The following PHTF2 variants were observed in gnomAD, a reference collection of about 807,000 sequenced individuals.
PHTF2 encodes protein PHTF2.
PHTF2 carries 60 observed loss-of-function variants against 101.2 expected under a neutral mutation model. The ratio of observed to expected loss-of-function variants is 0.59; its 90% CI spans 0.48 to 0.73. The LOEUF (loss-of-function observed/expected upper bound fraction) is 0.73. Among genes scored for constraint, PHTF2 ranks in the 30% least tolerant of loss-of-function variants. The pLI, the probability that PHTF2 is intolerant of heterozygous loss-of-function variation, is 0.00. For synonymous variants in PHTF2, 311 were observed against 307.3 expected, an observed-to-expected ratio of 1.01 and a Z score of -0.13; for missense variants, 747 against 908.7, an observed-to-expected ratio of 0.82 and a Z score of 2.29.
At chr7:77,868,155 T>C (rs6465867) in intron 3 of PHTF2, among the ~76,000 whole-genome samples, 87,563 of 151,354 alleles carry the variant, frequency 0.58, 27,422 homozygotes, top group African/African-American at 0.83. Context: ...TTTGTTTTTT[T>C]TTTTGAGACA....
chr7:77,844,924 T>C (rs968110225), intron 2 of PHTF2, among the ~76,000 whole-genome samples: 1 of 152,262 alleles, frequency 6.6e-6, no homozygotes, highest in Non-Finnish European at 1.5e-5. Flanking sequence ...TTCATAGTTA[T>C]GAATAATTTT....
At chr7:77,888,147 C>T (rs188654062) in intron 3 of PHTF2, among the ~76,000 whole-genome samples, 32 of 152,176 alleles carry the variant, frequency 2.1e-4, no homozygotes, top group Admixed American at 1.1e-3. Flanking sequence ...CGGAGTTTCA[C>T]TCTTGTAGCC....
At chr7:77,855,984 T>C (rs1423971609) in intron 3 of PHTF2, among the ~76,000 whole-genome samples, 1 of 152,208 alleles carries the variant, frequency 6.6e-6, no homozygotes, top group African/African-American at 2.4e-5. Flanking sequence ...TAGAGGTGCT[T>C]TCTTGTGTAG....
intron 15 of PHTF2, among the ~76,000 whole-genome samples, chr7:77,941,293 A>C (rs1167938440): frequency 6.6e-6 from 1 of 152,178 alleles, no homozygotes; most frequent in African/African-American, 2.4e-5. Context: ...TATTTAAAAA[A>C]TTCATTGTTC....
At chr7:77,885,707 A>T (rs577556428) in intron 3 of PHTF2, among the ~76,000 whole-genome samples, 1 of 152,282 alleles carries the variant, frequency 6.6e-6, no homozygotes, top group South Asian at 2.1e-4. Context: ...GGCCTCCCAA[A>T]GTGCTAGGAT....
At chr7:77,908,820 C>T (rs1382634557) in exon 8 of PHTF2, 1 of 1,609,576 alleles carries the variant, frequency 6.2e-7, no homozygotes, top group Admixed American at 1.7e-5. Flanking sequence ...TTCTGCTCCA[C>T]TTCTAGCCCA....
intron 1 of PHTF2, among the ~76,000 whole-genome samples, chr7:77,816,800 T>A (rs1284097366): frequency 1.3e-5 from 2 of 152,226 alleles, no homozygotes; most frequent in Non-Finnish European, 2.9e-5. Context: ...TAGCTTCTAC[T>A]TATGAGTGAG....
intron 11 of PHTF2, among the ~76,000 whole-genome samples, chr7:77,926,804 C>CAA (rs754671067): frequency 7.3e-6 from 1 of 137,914 alleles, no homozygotes; most frequent in African/African-American, 2.7e-5. Context: ...CTCCATCTCT[C>CAA]AAAAAAAAAA....
At chr7:77,869,461 CT>C (rs993075398) in intron 3 of PHTF2, among the ~76,000 whole-genome samples, 1 of 152,182 alleles carries the variant, frequency 6.6e-6, no homozygotes, top group African/African-American at 2.4e-5. Flanking sequence ...ATGAGATCAA[CT>C]TTTATAGCTC....
chr7:77,838,245 G>A (rs1346353469), intron 1 of PHTF2, among the ~76,000 whole-genome samples: 1 of 152,112 alleles, frequency 6.6e-6, no homozygotes, highest in African/African-American at 2.4e-5. Context: ...ACAAAAATGG[G>A]AGATTTTAAG....
In PHTF2 at chr7:77,821,021, C is replaced by T. The variant is rs116803544; in HGVS notation, c.-35-19200C>T. Reference sequence around the variant, plus strand: ...CCTTGAGCATTTCTTATAAGGCTGGCTTAGTGGTGATGAATTTACTGAGTT... The same window carrying T: ...CCTTGAGCATTTCTTATAAGGCTGGTTTAGTGGTGATGAATTTACTGAGTT... On this transcript the variant is annotated intron_variant, in intron 1 of 19. Transcript: ENST00000416283. Among the ~76,000 whole-genome samples the T allele has an allele frequency of 1.3e-3, 193 of 152,166 alleles. 1 individual carries two copies. Among genetic ancestry groups the T allele is most frequent in the African/African-American group, 4.5e-3 (188 of 41,518 alleles).
At chr7:77,862,925 A>G (rs1379045772) in intron 3 of PHTF2, among the ~76,000 whole-genome samples, 1 of 152,232 alleles carries the variant, frequency 6.6e-6, no homozygotes, top group Non-Finnish European at 1.5e-5. Context: ...TTCTACAAAG[A>G]ATGACATAAA....
At chr7:77,831,065 C>G (rs984945031) in intron 1 of PHTF2, among the ~76,000 whole-genome samples, 2 of 152,160 alleles carry the variant, frequency 1.3e-5, no homozygotes, top group African/African-American at 2.4e-5. Flanking sequence ...ACCAAGAGTC[C>G]CACTTAAATT....
chr7:77,896,767 A>G (rs1051766985), intron 5 of PHTF2, among the ~76,000 whole-genome samples: 6 of 152,212 alleles, frequency 3.9e-5, no homozygotes, highest in African/African-American at 1.4e-4. Context: ...TTAATATTTG[A>G]TTAAGAAAAA....
chr7:77,917,790 C>T (rs1431680990), intron 9 of PHTF2, among the ~76,000 whole-genome samples: 1 of 152,252 alleles, frequency 6.6e-6, no homozygotes, highest in Non-Finnish European at 1.5e-5. Context: ...TTACCAGCTA[C>T]TGGCAGGCTG....
chr7:77,921,303 G>A (rs1410658443), intron 10 of PHTF2, among the ~76,000 whole-genome samples: 3 of 152,078 alleles, frequency 2.0e-5, no homozygotes, highest in Non-Finnish European at 4.4e-5. Flanking sequence ...AGAGACTCTG[G>A]TTTTATTGTA....
intron 9 of PHTF2, among the ~76,000 whole-genome samples, chr7:77,912,164 T>C (rs536649993): frequency 2.3e-4 from 35 of 152,358 alleles, no homozygotes; most frequent in Middle Eastern, 6.8e-3. Flanking sequence ...GGCAGCAGCA[T>C]GACCATGATC....
intron 9 of PHTF2, among the ~76,000 whole-genome samples, chr7:77,913,629 C>T (rs1313405370): frequency 6.6e-6 from 1 of 151,982 alleles, no homozygotes; most frequent in Non-Finnish European, 1.5e-5. Context: ...AAACAGCAAA[C>T]AGGAATTACA....
At chr7:77,824,299 C>T (rs1794540068) in intron 1 of PHTF2, among the ~76,000 whole-genome samples, 2 of 149,936 alleles carry the variant, frequency 1.3e-5, no homozygotes, top group Admixed American at 6.7e-5. Flanking sequence ...AACAAATTCA[C>T]GGAAGAGCTT....
Sources: allele counts gnomAD v4.1 joint callset (sites outside exome capture counted in the v4.1 genomes callset), GRCh38; gene constraint gnomAD v4.1.1; transcripts MANE v1.5; gene names NCBI Gene and HGNC (gene_info 2026-07-23, HGNC 2026-07-21).